The following ADCY2 variants were observed in gnomAD, a reference collection of about 807,000 sequenced individuals.
ADCY2 encodes the protein adenylate cyclase type 2.
In ADCY2, 31 loss-of-function variants were observed where a neutral mutation model predicts 125.2. The ratio of observed to expected loss-of-function variants is 0.25; its 90% CI spans 0.19 to 0.33. The LOEUF is 0.33. Ranked by LOEUF, ADCY2 falls within the 10% of genes least tolerant of loss-of-function variation. The pLI is 1.00. For missense variants in ADCY2, 904 were observed against 1,418.2 expected, an observed-to-expected ratio of 0.64 and a Z score of 5.82; for synonymous variants, 512 against 548.4, an observed-to-expected ratio of 0.93 and a Z score of 0.93.
intron 23 of ADCY2, among the ~76,000 whole-genome samples, chr5:7,817,300 A>T (rs1201497044): frequency 1.3e-5 from 2 of 152,150 alleles, no homozygotes; most frequent in Non-Finnish European, 2.9e-5. Context: ...GGCTGTTGCC[A>T]ATTAAACTGG....
At chr5:7,454,691 A>G (rs1166411549) in intron 2 of ADCY2, among the ~76,000 whole-genome samples, 1 of 152,210 alleles carries the variant, frequency 6.6e-6, no homozygotes, top group African/African-American at 2.4e-5. Context: ...AGAGAATTCC[A>G]ACTCTCAGAG....
chr5:7,544,046 C>T (rs1203556469), intron 3 of ADCY2, among the ~76,000 whole-genome samples: 1 of 149,710 alleles, frequency 6.7e-6, no homozygotes, highest in Non-Finnish European at 1.5e-5. Flanking sequence ...AAAGATTGTC[C>T]CCATTAGGCC....
chr5:7,501,868 C>T (rs754088803), intron 2 of ADCY2, among the ~76,000 whole-genome samples: 104 of 152,146 alleles, frequency 6.8e-4, no homozygotes, highest in Non-Finnish European at 1.1e-3. Flanking sequence ...GGTCCACTAA[C>T]AGGAGGACCC....
intron 4 of ADCY2, among the ~76,000 whole-genome samples, chr5:7,640,255 G>A (rs567986255): frequency 6.6e-6 from 1 of 152,264 alleles, no homozygotes; most frequent in Non-Finnish European, 1.5e-5. Flanking sequence ...TTTACGAGTG[G>A]CTATTGCAAG....
chr5:7,593,957 C>A (rs1342385781), intron 3 of ADCY2, among the ~76,000 whole-genome samples: 2 of 152,140 alleles, frequency 1.3e-5, no homozygotes, highest in Non-Finnish European at 2.9e-5. Flanking sequence ...ACTCTAGGTA[C>A]AAAGTGCAAG....
intron 3 of ADCY2, among the ~76,000 whole-genome samples, chr5:7,538,870 T>A (rs1156480696): frequency 6.8e-6 from 1 of 146,422 alleles, no homozygotes; most frequent in Non-Finnish European, 1.5e-5. Context: ...CTTTTCTTTT[T>A]TTTTTTTTTT....
chr5:7,489,939 T>C (rs1743097493), intron 2 of ADCY2, among the ~76,000 whole-genome samples: 1 of 152,192 alleles, frequency 6.6e-6, no homozygotes, highest in South Asian at 2.1e-4. Flanking sequence ...AGCTTCAGCA[T>C]TAGAATTCTA....
In ADCY2 at chr5:7,612,889, G is replaced by A. The variant is rs112889991; in HGVS notation, c.571-13278G>A. 1.0e-3 allele frequency among the ~76,000 whole-genome samples: 152 copies of A among 152,206 alleles called. 1 individual carries two copies. Among genetic ancestry groups the A allele is most frequent in the Middle Eastern group, 6.8e-3 (2 of 294 alleles). On this transcript the variant is annotated intron_variant, in intron 3 of 24. Transcript: ENST00000338316. ...GAATTAGCCAGGTGTGGTGGCGGGC[G>A]CCTGTAGCCCCAGCTACTTGGGAGG...
chr5:7,775,984 T>C (rs1743711070), intron 18 of ADCY2, among the ~76,000 whole-genome samples: 1 of 152,166 alleles, frequency 6.6e-6, no homozygotes, highest in African/African-American at 2.4e-5. Flanking sequence ...AGTGGGAATT[T>C]AGAAGCCCCC....
intron 23 of ADCY2, among the ~76,000 whole-genome samples, chr5:7,817,650 G>A (rs1237771254): frequency 6.6e-6 from 1 of 151,940 alleles, no homozygotes; most frequent in African/African-American, 2.4e-5. Flanking sequence ...AACATGATGA[G>A]ACCCCATCTC....
chr5:7,533,938 C>G (rs1053658142), intron 3 of ADCY2, among the ~76,000 whole-genome samples: 1 of 152,152 alleles, frequency 6.6e-6, no homozygotes, highest in Non-Finnish European at 1.5e-5. Flanking sequence ...CTCATCAGTC[C>G]TAGTGGTTCC....
intron 18 of ADCY2, among the ~76,000 whole-genome samples, chr5:7,777,688 T>G (rs973528686): frequency 2.6e-5 from 4 of 152,232 alleles, no homozygotes; most frequent in Non-Finnish European, 5.9e-5. Flanking sequence ...AGAACCAACT[T>G]GGCATTGCTC....
intron 3 of ADCY2, among the ~76,000 whole-genome samples, chr5:7,564,491 G>A (rs982221208): frequency 6.6e-6 from 1 of 152,148 alleles, no homozygotes; most frequent in African/African-American, 2.4e-5. Flanking sequence ...AGGCCTGGGA[G>A]GCATGGAGAG....
At chr5:7,558,931 G>GAATAGGT (rs61010129) in intron 3 of ADCY2, among the ~76,000 whole-genome samples, 55,960 of 151,594 alleles carry the variant, frequency 0.37, 10,973 homozygotes, top group African/African-American at 0.42. Context: ...ACCATTTATG[G>GAATAGGT]AATCCTTTCC....
At chr5:7,482,451 A>G (rs1742764799) in intron 2 of ADCY2, among the ~76,000 whole-genome samples, 1 of 152,096 alleles carries the variant, frequency 6.6e-6, no homozygotes, top group African/African-American at 2.4e-5. Flanking sequence ...TAGTCCTATT[A>G]GTCTATTTCA....
intron 4 of ADCY2, among the ~76,000 whole-genome samples, chr5:7,677,919 C>T (rs922016611): frequency 6.6e-6 from 1 of 152,148 alleles, no homozygotes; most frequent in African/African-American, 2.4e-5. Context: ...CATTATTTTC[C>T]TTAGAAATCT....
chr5:7,780,450 G>A (rs574252984), intron 18 of ADCY2, among the ~76,000 whole-genome samples: 1 of 152,306 alleles, frequency 6.6e-6, no homozygotes, highest in South Asian at 2.1e-4. Context: ...CCAGAGGCAG[G>A]AAAGAAAGAT....
intron 2 of ADCY2, among the ~76,000 whole-genome samples, chr5:7,489,029 C>T (rs1416973584): frequency 6.6e-6 from 1 of 152,176 alleles, no homozygotes; most frequent in Non-Finnish European, 1.5e-5. Flanking sequence ...GCCTTCTCCC[C>T]AGTTTACCAT....
chr5:7,412,376 C>T (rs1739758381), intron 1 of ADCY2, among the ~76,000 whole-genome samples: 1 of 152,154 alleles, frequency 6.6e-6, no homozygotes, highest in Non-Finnish European at 1.5e-5. Flanking sequence ...CAGTGAGGCT[C>T]ATTTGGGGAG....
Sources: allele counts gnomAD v4.1 joint callset (sites outside exome capture counted in the v4.1 genomes callset), GRCh38; gene constraint gnomAD v4.1.1; transcripts MANE v1.5; gene names NCBI Gene and HGNC (gene_info 2026-07-23, HGNC 2026-07-21).